Variants in PADI2 observed in about 807,000 individuals in gnomAD.
The protein encoded by PADI2 is peptidyl arginine deiminase 2.
Under a neutral mutation model 81.1 loss-of-function variants are expected in PADI2, and 70 were observed. The ratio of observed to expected loss-of-function variants is 0.86; its 90% CI spans 0.71 to 1.05. The LOEUF is 1.05. Ranked by LOEUF, PADI2 falls within the 50% of genes least tolerant of loss-of-function variation. The pLI is 0.00. For synonymous variants in PADI2, 338 were observed against 358.0 expected, an observed-to-expected ratio of 0.94 and a Z score of 0.63; for missense variants, 853 against 889.9, an observed-to-expected ratio of 0.96 and a Z score of 0.53.
intron 13 of PADI2, 26 bp downstream of exon 13, chr1:17,074,830 C>G (rs1365498821): frequency 6.7e-7 from 1 of 1,502,098 alleles, no homozygotes; most frequent in East Asian, 2.3e-5. Flanking sequence ...CTCGCCACTT[C>G]CTGTCAAGGC....
In PADI2 at chr1:17,069,190, C is replaced by G. The variant is rs572228579; in HGVS notation, c.1852G>C (p.Val618Leu). 1 of 1,614,206 alleles carries G rather than the reference C, an allele frequency of 6.2e-7. No homozygotes were observed. The highest frequency in any genetic ancestry group is 1.1e-5 in the South Asian group (1 of 91,088). Residue 618 changes from valine (V) to leucine (L), a missense_variant, in exon 16 of 16, where the codon GTG (valine) becomes CTG (leucine). Transcript: ENST00000375486. The stretch of plus-strand genomic sequence containing the variant: ...CCCAGGGGCTCCAGGAGGCCACGCA[C>G]GTGCATCTCCAGGCAGCATTCCTCC... ...VEEECCLEMH[V>L]RGLLEPLGLE...
At chr1:17,116,209 G>C (rs1931755552) in intron 1 of PADI2, among the ~76,000 whole-genome samples, 1 of 152,248 alleles carries the variant, frequency 6.6e-6, no homozygotes, top group Admixed American at 6.5e-5. Context: ...GTGCCTGCCA[G>C]GACCACAAGG....
chr1:17,082,880 T>C lies in PADI2; in HGVS notation c.1051-228A>G, dbSNP rs555796001. 68 of 445,070 alleles carry C rather than the reference T, an allele frequency of 1.5e-4. 3 individuals are homozygous for C. The South Asian group carries it at 2.1e-3, about 14-fold the overall frequency. 27.6% of individuals were successfully genotyped at this position (445,070 alleles called of 1,614,324 possible). A position where few individuals can be genotyped will look rare whatever the true frequency, so the allele number is the denominator to read the frequency against. On this transcript the variant is annotated intron_variant, in intron 9 of 15. Transcript: ENST00000375486. ...TTCTTACCGATATCAGCCCCATTTT[T>C]TTTTTTTTGAGACAGGGTCTCACTC...
chr1:17,087,582 C>A (rs903533521), intron 6 of PADI2, among the ~76,000 whole-genome samples: 5 of 152,046 alleles, frequency 3.3e-5, no homozygotes, highest in Admixed American at 6.6e-5. Flanking sequence ...CTCACTGCAA[C>A]CTCTGCCTCC....
At chr1:17,088,205 G>C (rs1039399700) in intron 6 of PADI2, among the ~76,000 whole-genome samples, 1 of 152,184 alleles carries the variant, frequency 6.6e-6, no homozygotes, top group South Asian at 2.1e-4. Context: ...ATGCCCTTGC[G>C]GGTTGGCAGA....
intron 1 of PADI2, among the ~76,000 whole-genome samples, chr1:17,106,249 C>T (rs981741315): frequency 6.6e-5 from 10 of 151,926 alleles, no homozygotes; most frequent in African/African-American, 1.5e-4. Flanking sequence ...TCTTGAATTC[C>T]GAAATTCAAG....
chr1:17,073,798 T>C (rs936603301), intron 13 of PADI2, among the ~76,000 whole-genome samples: 1 of 152,208 alleles, frequency 6.6e-6, no homozygotes, highest in African/African-American at 2.4e-5. Context: ...GGAATTGGCA[T>C]GGTGTCTCTA....
Position 17,068,812 on chromosome 1 carries a change from C to T in PADI2, c.*232G>A, listed in dbSNP as rs2078243720. 8.7e-6 allele frequency: 5 copies of T among 576,756 alleles called. No homozygotes were observed. The highest frequency in any genetic ancestry group is 1.9e-5 in the African/African-American group (1 of 53,514). The allele number at this position is 576,756 out of a possible 1,614,324, so 35.7% of individuals were successfully genotyped here. The stretch of plus-strand genomic sequence containing the variant: ...GTTCCTTATGTCAGGGCTACAGAGA[C>T]ACTGGCCCAGCTATTTTCAGCAGGG... On this transcript the variant is annotated 3_prime_UTR_variant, in exon 16 of 16. Coordinates refer to ENST00000375486, the MANE Select transcript of PADI2 (RefSeq NM_007365.3).
In PADI2 at chr1:17,079,418, A is replaced by G; in HGVS notation, c.1159-3T>C. On this transcript the variant is annotated splice_region_variant and splice_polypyrimidine_tract_variant and intron_variant, in intron 10 of 15. Transcript: ENST00000375486. ...GTCACGTAGCCAAAATCTGGGCCCT[A>G]GGCAGAGGGCACACACCTGCGTTAG... The G allele has an allele frequency of 6.2e-7, 1 of 1,612,494 alleles. No individual in the cohort carries two copies.
intron 4 of PADI2, 146 bp downstream of exon 4, chr1:17,095,763 G>A (rs111477627): frequency 1.3e-4 from 81 of 605,864 alleles, no homozygotes; most frequent in African/African-American, 1.3e-3. Flanking sequence ...TCCTCTGTGG[G>A]TTCCATCATT....
In PADI2 at chr1:17,119,206, T is replaced by A; in HGVS notation, c.92+74A>T. ...TCGGGCTGGACAAAGGCTGTCCACG[T>A]CCCCGAGTCTGAGCGCGTCTCAGGA... On this transcript the variant is annotated intron_variant, in intron 1 of 15. Coordinates refer to ENST00000375486, the MANE Select transcript of PADI2 (RefSeq NM_007365.3). The surrounding 1 kb of genome is among the most constrained non-coding windows in gnomAD (Gnocchi z 4.8). 3.7e-6 allele frequency: 4 copies of A among 1,075,012 alleles called. No homozygotes were observed. The highest frequency in any genetic ancestry group is 2.5e-5 in the Admixed American group (1 of 39,326). 66.6% of individuals were successfully genotyped at this position (1,075,012 alleles called of 1,614,324 possible).
Position 17,075,761 on chromosome 1 carries a change from G to A in PADI2, c.1373C>T (p.Ala458Val), listed in dbSNP as rs1296935844. ...RDFLKAQQVQAPVELYSDWLT... is the reference protein window; with the variant it reads ...RDFLKAQQVQVPVELYSDWLT... ...CCAGTCTGAGTAGAGCTCCACGGGC[G>A]CCTGCACCTGCTGGGCCTTCAGGAA... The change falls in exon 12 of 16, where the codon GCG becomes GTG. Residue 458 changes from alanine (A) to valine (V), a missense_variant. Physicochemically the swap from Ala to Val is moderately conservative, Grantham distance 64 (BLOSUM62 0). Transcript: ENST00000375486. The A allele has an allele frequency of 1.9e-6, 3 of 1,613,880 alleles. No homozygotes were observed. Among genetic ancestry groups the A allele is most frequent in the East Asian group, 2.2e-5 (1 of 44,872 alleles).
At position 17,119,007 on chromosome 1, in the gene PADI2, G is replaced by A. The variant is rs186178184; in HGVS notation, c.92+273C>T. On this transcript the variant is annotated intron_variant, in intron 1 of 15. Transcript: ENST00000375486. The surrounding 1 kb of genome is among the most constrained non-coding windows in gnomAD (Gnocchi z 4.8). ...GGAGGAGAACTGGAGAGGGCCAGAC[G>A]GAGGGTTACGGGTGAAAGGGAGGGT... Among the ~76,000 whole-genome samples, 40 of 152,258 alleles carry A rather than the reference G, an allele frequency of 2.6e-4. No homozygotes were observed. In the East Asian group the frequency reaches 7.2e-3, roughly 27 times the overall value.
chr1:17,099,500 C>T (rs1454734876), intron 3 of PADI2, among the ~76,000 whole-genome samples: 1 of 152,124 alleles, frequency 6.6e-6, no homozygotes, highest in African/African-American at 2.4e-5. Flanking sequence ...TTAGCTCAAA[C>T]CCCTTATTTT....
chr1:17,107,366 G>A (rs1399589299), intron 1 of PADI2, among the ~76,000 whole-genome samples: 1 of 152,212 alleles, frequency 6.6e-6, no homozygotes, highest in African/African-American at 2.4e-5. Flanking sequence ...GGCTGAGGGT[G>A]CTGGGGCAGC....
In PADI2 at chr1:17,119,068, G is replaced by A. The variant is rs2647175; in HGVS notation, c.92+212C>T. Among the ~76,000 whole-genome samples the A allele has an allele frequency of 8.5e-4, 130 of 152,202 alleles. No individual in the cohort carries two copies. Among genetic ancestry groups the A allele is most frequent in the African/African-American group, 2.9e-3 (120 of 41,494 alleles). On this transcript the variant is annotated intron_variant, in intron 1 of 15. Transcript: ENST00000375486. The surrounding 1 kb of genome is among the most constrained non-coding windows in gnomAD (Gnocchi z 4.8). The stretch of plus-strand genomic sequence containing the variant: ...GCTGGGGCTGAGGCTGTGTTAGGGG[G>A]TCTGGGAGAGTCTCAGGGTTTCTGG...
In PADI2 at chr1:17,105,062, C is replaced by T; in HGVS notation, c.93-1G>A. 1 of 1,560,958 alleles carries T rather than the reference C, an allele frequency of 6.4e-7. No individual in the cohort carries two copies. The highest frequency in any genetic ancestry group is 8.7e-7 in the Non-Finnish European group (1 of 1,146,906). ...GGTTTGGGCCCCGGCTGGGGCCGCG[C>T]TGTGGGGAGAGATGAGAGAGGGTTA... On this transcript the variant is annotated splice_acceptor_variant, in intron 1 of 15. Coordinates refer to ENST00000375486, the MANE Select transcript of PADI2 (RefSeq NM_007365.3). LOFTEE classifies it high-confidence loss of function.
chr1:17,070,184 C>T lies in PADI2; in HGVS notation c.1668G>A (p.Lys556=), dbSNP rs1261163634. 3 of 1,613,978 alleles carry T rather than the reference C, an allele frequency of 1.9e-6. No individual in the cohort carries two copies. The African/African-American group carries it at 4.0e-5, about 22-fold the overall frequency. ...RCLDWNRDIL[K]KELGLTEQDI... The stretch of plus-strand genomic sequence containing the variant: ...CCTGCTCTGTCAGTCCCAGCTCCTT[C>T]TTGAGGATGTCACGGTTCCAGTCTA... Residue 556 remains lysine (K), a synonymous_variant, in exon 15 of 16, where the codon AAG becomes AAA. Transcript: ENST00000375486.
At chr1:17,103,715 G>A (rs1395922080) in intron 2 of PADI2, among the ~76,000 whole-genome samples, 5 of 151,724 alleles carry the variant, frequency 3.3e-5, no homozygotes, top group African/African-American at 7.3e-5. Flanking sequence ...TATTCTGAAC[G>A]GAGGTGTGTT....
Sources: gnomAD v4.1 joint callset for allele counts (sites outside exome capture counted in the v4.1 genomes callset) on GRCh38, gnomAD v4.1.1 for gene constraint, Gnocchi (gnomAD v3.1) non-coding constraint, MANE v1.5 for transcripts, NCBI Gene and HGNC (gene_info 2026-07-23, HGNC 2026-07-21) for gene names.